Variants in USP15 observed in about 807,000 individuals in gnomAD.
USP15 encodes the protein ubiquitin specific peptidase 15.
A neutral mutation model predicts 127.1 loss-of-function variants in USP15; 18 were observed. The ratio of observed to expected loss-of-function variants is 0.14; its 90% CI spans 0.10 to 0.21. The LOEUF (loss-of-function observed/expected upper bound fraction) is 0.21. USP15 is among the 10% of genes least tolerant of loss of function. The pLI, the probability that USP15 is intolerant of heterozygous loss-of-function variation, is 1.00. For missense variants in USP15, 805 were observed against 1,159.9 expected (o/e 0.69, Z 4.44); for synonymous variants, 364 against 393.7 (o/e 0.92, Z 0.89).
chr12:62,276,115 G>T (rs965023711), intron 1 of USP15, among the ~76,000 whole-genome samples: 4 of 151,986 alleles, frequency 2.6e-5, no homozygotes, highest in African/African-American at 9.7e-5. Context: ...CAGGTATGAG[G>T]CACCCTCATA....
intron 8 of USP15, among the ~76,000 whole-genome samples, chr12:62,371,955 CAGG>C (rs1181236801): frequency 1.3e-5 from 2 of 152,050 alleles, no homozygotes; most frequent in Non-Finnish European, 2.9e-5. Flanking sequence ...AGCTCTAAAA[CAGG>C]AGATAACGCT....
At chr12:62,385,315 T>C (rs1040590468) in intron 11 of USP15, among the ~76,000 whole-genome samples, 11 of 151,908 alleles carry the variant, frequency 7.2e-5, no homozygotes, top group Non-Finnish European at 1.3e-4. Context: ...ATAGCTCAGT[T>C]TGTTAGTGCA....
At position 62,410,824 on chromosome 12, in the gene USP15, A is replaced by G. The variant is rs2068020824; in HGVS notation, c.*6449A>G. 2.0e-5 allele frequency: 3 copies of G among 150,192 alleles called. No individual in the cohort carries two copies. The South Asian group carries it at 6.3e-4, about 32-fold the overall frequency. The allele number at this position is 150,192 out of a possible 1,614,324, so 9.3% of individuals were successfully genotyped here. A position where few individuals can be genotyped will look rare whatever the true frequency, so the allele number is the denominator to read the frequency against. On this transcript the variant is annotated 3_prime_UTR_variant, in exon 22 of 22. Transcript: ENST00000280377. Reference sequence around the variant, plus strand: ...AAGGAATTAATAACTAATAGCATTGATGAGTCAAGTTAATATTTGTTTTTG... The same window carrying G: ...AAGGAATTAATAACTAATAGCATTGGTGAGTCAAGTTAATATTTGTTTTTG...
Position 62,340,186 on chromosome 12 carries a change from G to C in USP15, c.684-9035G>C, listed in dbSNP as rs564347250. On this transcript the variant is annotated intron_variant, in intron 6 of 21. Transcript: ENST00000280377. ...GTTTATTTGCATAGAGGTGTTTATA[G>C]TACTCTCTGATGGTAGTTTTTATTT... Among the ~76,000 whole-genome samples the C allele has an allele frequency of 2.0e-5, 3 of 152,272 alleles. No individual in the cohort carries two copies. In the South Asian group the frequency reaches 6.2e-4, roughly 32 times the overall value.
At position 62,301,720 on chromosome 12, in the gene USP15, A is replaced by G. The variant is rs559802821; in HGVS notation, c.218-1070A>G. ...ATAGTTGCAAAACACAGAATAAGTA[A>G]CATTCTCTTAATCCCTCAGGTTTTT... On this transcript the variant is annotated intron_variant, in intron 2 of 21. Transcript: ENST00000280377. Among the ~76,000 whole-genome samples the G allele has an allele frequency of 1.2e-3, 188 of 152,302 alleles. 1 individual carries two copies. Among genetic ancestry groups the G allele is most frequent in the African/African-American group, 4.4e-3 (181 of 41,570 alleles).
chr12:62,318,000 A>G (rs1021058784), intron 4 of USP15, among the ~76,000 whole-genome samples: 1 of 152,324 alleles, frequency 6.6e-6, no homozygotes, highest in Middle Eastern at 3.4e-3. Flanking sequence ...AATATTTTTT[A>G]ATTTCTAATT....
chr12:62,379,581 G>A (rs1197298200), intron 8 of USP15, among the ~76,000 whole-genome samples: 2 of 152,098 alleles, frequency 1.3e-5, no homozygotes, highest in Non-Finnish European at 2.9e-5. Context: ...TCAGGTTTGT[G>A]CAACTTGGTT....
intron 6 of USP15, among the ~76,000 whole-genome samples, chr12:62,344,072 C>A (rs2065735555): frequency 6.6e-6 from 1 of 152,180 alleles, no homozygotes; most frequent in Non-Finnish European, 1.5e-5. Flanking sequence ...CATCTCTTCA[C>A]ATTTCAAAAC....
At chr12:62,286,135 A>C (rs939563827) in intron 1 of USP15, among the ~76,000 whole-genome samples, 2 of 152,226 alleles carry the variant, frequency 1.3e-5, no homozygotes, top group African/African-American at 4.8e-5. Flanking sequence ...AAATATTTTC[A>C]AACTATGCAT....
At chr12:62,362,388 T>A (rs1328439888) in intron 8 of USP15, among the ~76,000 whole-genome samples, 2 of 151,754 alleles carry the variant, frequency 1.3e-5, no homozygotes, top group Non-Finnish European at 2.9e-5. Flanking sequence ...TTAAGTAGCA[T>A]TAATGTTGTG....
rs571630081 is a variant in USP15, at chr12:62,311,410, C to T, written c.349-3380C>T. 7.3e-4 allele frequency among the ~76,000 whole-genome samples: 111 copies of T among 151,800 alleles called. 1 individual carries two copies. Among genetic ancestry groups the T allele is most frequent in the Middle Eastern group, 6.8e-3 (2 of 294 alleles). On this transcript the variant is annotated intron_variant, in intron 3 of 21. Coordinates refer to ENST00000280377, the MANE Select transcript of USP15 (RefSeq NM_001252078.2). The stretch of plus-strand genomic sequence containing the variant: ...GATAGTAAATATTTTTAGCTTTATG[C>T]GCCCTTTAGTTTCTTTTGAAATGAC...
At chr12:62,323,121 A>G (rs1298895605) in intron 5 of USP15, among the ~76,000 whole-genome samples, 1 of 152,140 alleles carries the variant, frequency 6.6e-6, no homozygotes, top group East Asian at 1.9e-4. Context: ...CCATTGAGGT[A>G]TAGGATGTTT....
intron 6 of USP15, among the ~76,000 whole-genome samples, chr12:62,332,005 A>C (rs530695975): frequency 1.8e-4 from 27 of 152,036 alleles, no homozygotes; most frequent in Non-Finnish European, 3.2e-4. Flanking sequence ...TCTCCACTAA[A>C]AATACAAAAA....
intron 6 of USP15, among the ~76,000 whole-genome samples, chr12:62,337,258 G>T (rs2065495665): frequency 6.6e-6 from 1 of 151,952 alleles, no homozygotes; most frequent in South Asian, 2.1e-4. Context: ...GAAAACCTCT[G>T]CTTGATAGCT....
Position 62,389,889 on chromosome 12 carries a change from A to C in USP15, c.1745A>C (p.His582Pro). The change falls in exon 14 of 22, where the codon CAC becomes CCC. Residue 582 changes from histidine to proline, a missense_variant. Around this residue, in one of 11 missense-constraint regions of USP15, gnomAD observed 225 missense variants for 239.5 expected, o/e 0.94. Coordinates refer to ENST00000280377, the MANE Select transcript of USP15 (RefSeq NM_001252078.2). ...AAATTCAGACACTCGAGTTATACCC[A>C]CCATACTGGTTCTTCACTTTTTGGT... ...REKFRHSSYT[H>P]HTGSSLFGQP... 6.2e-7 allele frequency: 1 copy of C among 1,613,872 alleles called. No homozygotes were observed. The highest frequency in any genetic ancestry group is 1.3e-5 in the African/African-American group (1 of 75,028).
chr12:62,391,978 T>G, intron 17 of USP15, 92 bp downstream of exon 17: 1 of 1,227,742 alleles, frequency 8.1e-7, no homozygotes, highest in South Asian at 1.6e-5. Flanking sequence ...CACTCTTTGC[T>G]TCCACCAAAT....
intron 8 of USP15, among the ~76,000 whole-genome samples, chr12:62,379,380 G>T (rs56402690): frequency 1.3e-5 from 2 of 151,952 alleles, no homozygotes; most frequent in African/African-American, 4.8e-5. Flanking sequence ...AAGAATTTGG[G>T]CTTCCAATCT....
chr12:62,404,060 C>G, intron 21 of USP15, 133 bp from the exon 22 acceptor site: 1 of 711,900 alleles, frequency 1.4e-6, no homozygotes, highest in Non-Finnish European at 1.9e-6. Flanking sequence ...TTAGTAACTT[C>G]CATTTGACCA....
intron 3 of USP15, among the ~76,000 whole-genome samples, chr12:62,307,560 C>G (rs774391228): frequency 1.3e-5 from 2 of 152,136 alleles, no homozygotes; most frequent in Non-Finnish European, 2.9e-5. Context: ...CTACAGTAGT[C>G]CCCCTTATCT....
Sources: gnomAD v4.1 joint callset for allele counts (sites outside exome capture counted in the v4.1 genomes callset) on GRCh38, gnomAD v4.1.1 for gene constraint, gnomAD v4.1.1 regional missense constraint, MANE v1.5 for transcripts, NCBI Gene and HGNC (gene_info 2026-07-23, HGNC 2026-07-21) for gene names.